CNTN5: variants seen among roughly 807,000 people sequenced by gnomAD.
The protein encoded by CNTN5 is contactin-5.
In CNTN5, 77 loss-of-function variants were observed where a neutral mutation model predicts 129.1. That is an observed-to-expected ratio of 0.60 (90% CI 0.50 to 0.72). CNTN5 has a LOEUF of 0.72. CNTN5 is among the 30% of genes least tolerant of loss of function. The probability of loss-of-function intolerance (pLI) is 0.00; values close to 1 mark genes in which losing one functional copy is unlikely to be tolerated. For synonymous variants in CNTN5, 509 were observed against 465.6 expected (o/e 1.09, Z -1.20); for missense variants, 1,478 against 1,328.8 (o/e 1.11, Z -1.75).
chr11:99,237,937 A>C (rs1591399371), intron 1 of CNTN5, among the ~76,000 whole-genome samples: 1 of 152,130 alleles, frequency 6.6e-6, no homozygotes. Flanking sequence ...TATTTTGTTT[A>C]CTTTTTGTAT....
intron 3 of CNTN5, among the ~76,000 whole-genome samples, chr11:99,593,947 TG>T (rs1950052227): frequency 1.3e-5 from 2 of 152,208 alleles, no homozygotes; most frequent in African/African-American, 4.8e-5. Context: ...GTCAACAGCG[TG>T]AAGTGTGTCC....
intron 13 of CNTN5, among the ~76,000 whole-genome samples, chr11:100,082,504 C>T (rs1171196903): frequency 6.6e-6 from 1 of 152,092 alleles, no homozygotes; most frequent in African/African-American, 2.4e-5. Context: ...GTTGCCCAAG[C>T]TTGTCTTGAA....
chr11:99,509,678 T>A (rs1946761427), intron 2 of CNTN5, among the ~76,000 whole-genome samples: 1 of 151,892 alleles, frequency 6.6e-6, no homozygotes, highest in African/African-American at 2.4e-5. Flanking sequence ...AATAGAACCT[T>A]TTAATGAAAA....
At chr11:100,115,115 T>TAAAA (rs11388029) in intron 13 of CNTN5, among the ~76,000 whole-genome samples, 453 of 77,998 alleles carry the variant, frequency 5.8e-3, no homozygotes, top group Non-Finnish European at 6.9e-3. Flanking sequence ...AGGTATACAG[T>TAAAA]AAAAAAAAAA....
chr11:99,332,537 T>A (rs921503098), intron 2 of CNTN5, among the ~76,000 whole-genome samples: 25 of 152,120 alleles, frequency 1.6e-4, no homozygotes, highest in Admixed American at 1.3e-4. Context: ...AGACAGTTTT[T>A]TTTATCATAT....
chr11:100,107,546 T>C (rs1190919377), intron 13 of CNTN5, among the ~76,000 whole-genome samples: 3 of 146,752 alleles, frequency 2.0e-5, no homozygotes, highest in African/African-American at 7.6e-5. Flanking sequence ...TACAGCAGAA[T>C]CAGATAAATG....
intron 23 of CNTN5, among the ~76,000 whole-genome samples, chr11:100,348,141 A>G (rs1391602625): frequency 6.6e-6 from 1 of 151,968 alleles, no homozygotes; most frequent in Non-Finnish European, 1.5e-5. Flanking sequence ...TGCAACTGTC[A>G]ATCTATAAAT....
At chr11:99,214,968 T>C (rs1303862848) in intron 1 of CNTN5, among the ~76,000 whole-genome samples, 1 of 152,044 alleles carries the variant, frequency 6.6e-6, no homozygotes, top group East Asian at 1.9e-4. Context: ...GACTGAAAGA[T>C]TTTCTTGTAT....
At chr11:100,080,955 T>C (rs1202510053) in intron 13 of CNTN5, among the ~76,000 whole-genome samples, 1 of 152,148 alleles carries the variant, frequency 6.6e-6, no homozygotes, top group Admixed American at 6.6e-5. Context: ...AACTGCTTAC[T>C]ATATAAGATG....
At chr11:99,929,883 A>G (rs1950152545) in intron 7 of CNTN5, among the ~76,000 whole-genome samples, 1 of 152,226 alleles carries the variant, frequency 6.6e-6, no homozygotes, top group Non-Finnish European at 1.5e-5. Context: ...AATTTGGCCA[A>G]GAAGAGGTAG....
chr11:100,015,449 G>A (rs1940772948), intron 9 of CNTN5, among the ~76,000 whole-genome samples: 1 of 152,128 alleles, frequency 6.6e-6, no homozygotes, highest in Non-Finnish European at 1.5e-5. Flanking sequence ...AATGCCCTCA[G>A]TGGAAACAGG....
intron 3 of CNTN5, among the ~76,000 whole-genome samples, chr11:99,559,455 C>A (rs1037138990): frequency 1.9e-4 from 29 of 152,148 alleles, no homozygotes; most frequent in African/African-American, 6.0e-4. Flanking sequence ...GAACAGGCAA[C>A]CTTATATTAA....
At chr11:99,751,532 T>C (rs192541019) in intron 3 of CNTN5, among the ~76,000 whole-genome samples, 2 of 152,246 alleles carry the variant, frequency 1.3e-5, no homozygotes, top group Admixed American at 6.5e-5. Flanking sequence ...CAAAGGAGAA[T>C]TTACCCACCT....
intron 16 of CNTN5, among the ~76,000 whole-genome samples, chr11:100,245,329 T>A (rs1306581629): frequency 6.6e-6 from 1 of 152,112 alleles, no homozygotes; most frequent in African/African-American, 2.4e-5. Context: ...CAAACTTGCA[T>A]CGAACCATCT....
rs1254321901 is a variant in CNTN5 at position 99,845,404 on chromosome 11, G to A, written c.577+142G>A. On this transcript the variant is annotated intron_variant, in intron 6 of 24. Coordinates refer to ENST00000524871, the MANE Select transcript of CNTN5 (RefSeq NM_014361.4). The stretch of plus-strand genomic sequence containing the variant: ...TTTTTTTTTTTTGAGGCGGAGTCTC[G>A]CTCTGTCGCCCAGGCTGGAGTGCAG... The A allele has an allele frequency of 2.6e-4, 103 of 395,052 alleles. 2 individuals are homozygous for A. In the African/African-American group the frequency reaches 2.6e-3, roughly 10 times the overall value. 24.5% of individuals were successfully genotyped at this position (395,052 alleles called of 1,614,324 possible).
intron 3 of CNTN5, among the ~76,000 whole-genome samples, chr11:99,662,313 T>C (rs1017655489): frequency 6.6e-6 from 1 of 152,202 alleles, no homozygotes; most frequent in Non-Finnish European, 1.5e-5. Flanking sequence ...ATATCCCATA[T>C]GCTACAATAA....
chr11:99,466,847 T>G (rs1017434405), intron 2 of CNTN5, among the ~76,000 whole-genome samples: 1 of 151,968 alleles, frequency 6.6e-6, no homozygotes, highest in Non-Finnish European at 1.5e-5. Context: ...AAATACGGAT[T>G]TCATATTTAG....
chr11:99,126,414 C>T (rs1355010150), intron 1 of CNTN5, among the ~76,000 whole-genome samples: 1 of 152,140 alleles, frequency 6.6e-6, no homozygotes, highest in Non-Finnish European at 1.5e-5. Flanking sequence ...AGGAGTGTGA[C>T]TAAAGTTGAG....
intron 13 of CNTN5, among the ~76,000 whole-genome samples, chr11:100,112,752 A>G (rs1164144210): frequency 6.6e-6 from 1 of 152,186 alleles, no homozygotes; most frequent in African/African-American, 2.4e-5. Context: ...AAGTTTAAAA[A>G]TAAAGAAGTG....
Sources: gnomAD v4.1 joint callset for allele counts (sites outside exome capture counted in the v4.1 genomes callset) on GRCh38, gnomAD v4.1.1 for gene constraint, MANE v1.5 for transcripts, NCBI Gene and HGNC (gene_info 2026-07-23, HGNC 2026-07-21) for gene names.